Variants in DNM3 observed in about 807,000 individuals in gnomAD.
DNM3 encodes the protein dynamin-3.
Under a neutral mutation model 101.6 loss-of-function variants are expected in DNM3, and 47 were observed. That is an observed-to-expected ratio of 0.46 (90% CI 0.37 to 0.59). The LOEUF is 0.59. Ranked by LOEUF, DNM3 falls within the 20% of genes least tolerant of loss-of-function variation. DNM3 has a pLI of 0.00. For synonymous variants in DNM3, 385 were observed against 387.9 expected, an observed-to-expected ratio of 0.99 and a Z score of 0.09; for missense variants, 849 against 1,085.7, an observed-to-expected ratio of 0.78 and a Z score of 3.06.
intron 14 of DNM3, among the ~76,000 whole-genome samples, chr1:172,243,245 T>A (rs987607414): frequency 7.2e-5 from 11 of 152,178 alleles, no homozygotes; most frequent in Non-Finnish European, 1.2e-4. Flanking sequence ...AACAAAATCC[T>A]TAATGTTCTC....
intron 17 of DNM3, among the ~76,000 whole-genome samples, chr1:172,346,595 A>C (rs1445099545): frequency 6.6e-6 from 1 of 152,196 alleles, no homozygotes; most frequent in East Asian, 1.9e-4. Flanking sequence ...ATTGGGATAG[A>C]CAGACTTCTG....
chr1:172,315,136 G>A (rs2065269495), intron 16 of DNM3, among the ~76,000 whole-genome samples: 1 of 152,214 alleles, frequency 6.6e-6, no homozygotes, highest in Non-Finnish European at 1.5e-5. Flanking sequence ...AACAGGGTCT[G>A]GAGTGGACCT....
At chr1:172,123,992 A>C (rs2056474329) in intron 13 of DNM3, among the ~76,000 whole-genome samples, 1 of 152,178 alleles carries the variant, frequency 6.6e-6, no homozygotes. Flanking sequence ...AGAGGGGTCA[A>C]AGCAGTGCAT....
intron 14 of DNM3, among the ~76,000 whole-genome samples, chr1:172,200,231 C>A (rs756572250): frequency 1.1e-4 from 16 of 152,072 alleles, no homozygotes; most frequent in African/African-American, 3.9e-4. Flanking sequence ...TGAGTATAGG[C>A]CCCCAATCTC....
At chr1:172,370,926 T>A (rs1334056139) in intron 17 of DNM3, among the ~76,000 whole-genome samples, 1 of 152,006 alleles carries the variant, frequency 6.6e-6, no homozygotes, top group Non-Finnish European at 1.5e-5. Context: ...ATTTTTGTCT[T>A]TTGACCAGCA....
intron 14 of DNM3, among the ~76,000 whole-genome samples, chr1:172,214,990 T>C (rs1572979326): frequency 6.6e-6 from 1 of 152,126 alleles, no homozygotes; most frequent in East Asian, 1.9e-4. Flanking sequence ...AAGTTAATAC[T>C]GTTAGGAAAC....
At chr1:171,995,954 C>A (rs189306665) in intron 4 of DNM3, among the ~76,000 whole-genome samples, 1 of 152,052 alleles carries the variant, frequency 6.6e-6, no homozygotes, top group East Asian at 1.9e-4. Context: ...TTCACCTAAA[C>A]GGGATTTGAG....
At chr1:171,877,687 C>A (rs1453185184) in intron 1 of DNM3, among the ~76,000 whole-genome samples, 3 of 152,210 alleles carry the variant, frequency 2.0e-5, no homozygotes, top group Non-Finnish European at 4.4e-5. Context: ...ATTGCCATGA[C>A]TTTCTCACTT....
At chr1:172,229,451 T>C (rs147189563) in intron 14 of DNM3, among the ~76,000 whole-genome samples, 7 of 152,294 alleles carry the variant, frequency 4.6e-5, no homozygotes, top group African/African-American at 1.7e-4. Flanking sequence ...TAGCATTTAT[T>C]TGTAATGAAC....
intron 1 of DNM3, among the ~76,000 whole-genome samples, chr1:171,846,383 G>T (rs1252400498): frequency 6.6e-6 from 1 of 152,068 alleles, no homozygotes; most frequent in Non-Finnish European, 1.5e-5. Context: ...ATCCAAAAAT[G>T]CACTTGATTT....
At chr1:172,191,241 C>T (rs867334661) in intron 14 of DNM3, among the ~76,000 whole-genome samples, 16 of 152,152 alleles carry the variant, frequency 1.1e-4, no homozygotes, top group Admixed American at 9.2e-4. Context: ...CTATGGCTAG[C>T]CAGTTTTCAC....
At chr1:172,106,844 A>ATTATTTTTTTTTTTTT (rs1289662689) in intron 13 of DNM3, among the ~76,000 whole-genome samples, 1 of 51,070 alleles carries the variant, frequency 2.0e-5, no homozygotes, top group African/African-American at 6.8e-5. Flanking sequence ...AGGTAACATT[A>ATTATTTTTTTTTTTTT]TTCTTTTTTT....
At chr1:172,037,630 T>G (rs1390864724) in intron 6 of DNM3, among the ~76,000 whole-genome samples, 2 of 152,150 alleles carry the variant, frequency 1.3e-5, no homozygotes, top group Non-Finnish European at 2.9e-5. Flanking sequence ...TAATTAATCA[T>G]GCACTCTTAG....
intron 10 of DNM3, among the ~76,000 whole-genome samples, chr1:172,056,460 A>C (rs1012472465): frequency 6.6e-6 from 1 of 152,192 alleles, no homozygotes; most frequent in Non-Finnish European, 1.5e-5. Flanking sequence ...AGCTTTGAAG[A>C]GAGCAGTGGT....
intron 4 of DNM3, among the ~76,000 whole-genome samples, chr1:172,016,680 T>C (rs1426775307): frequency 1.3e-5 from 2 of 152,180 alleles, no homozygotes; most frequent in East Asian, 3.9e-4. Flanking sequence ...GTATGATTTC[T>C]TTCTTAAATA....
intron 14 of DNM3, among the ~76,000 whole-genome samples, chr1:172,197,103 T>TC (rs1294083430): frequency 6.6e-6 from 1 of 152,128 alleles, no homozygotes; most frequent in Non-Finnish European, 1.5e-5. Context: ...AAGGAAGGGG[T>TC]CCAGCTTCAG....
chr1:171,994,510 C>T (rs1312806038), intron 4 of DNM3, among the ~76,000 whole-genome samples: 1 of 136,306 alleles, frequency 7.3e-6, no homozygotes, highest in Non-Finnish European at 1.5e-5. Flanking sequence ...TTAATCCTAA[C>T]TTCCTGCTTA....
intron 1 of DNM3, among the ~76,000 whole-genome samples, chr1:171,920,057 G>A (rs1326240710): frequency 1.3e-5 from 2 of 152,026 alleles, no homozygotes; most frequent in African/African-American, 2.4e-5. Context: ...ATGAACTTTG[G>A]TCCTTGAAGT....
At chr1:171,979,161 A>G (rs1440893201) in intron 2 of DNM3, among the ~76,000 whole-genome samples, 1 of 152,174 alleles carries the variant, frequency 6.6e-6, no homozygotes, top group Non-Finnish European at 1.5e-5. Flanking sequence ...AACAATCAGA[A>G]GAGTGTTTCA....
Sources: gnomAD v4.1 joint callset for allele counts (sites outside exome capture counted in the v4.1 genomes callset) on GRCh38, gnomAD v4.1.1 for gene constraint, MANE v1.5 for transcripts, NCBI Gene and HGNC (gene_info 2026-07-23, HGNC 2026-07-21) for gene names.